Variants in PTBP2 observed in about 807,000 individuals in gnomAD.
PTBP2 encodes polypyrimidine tract-binding protein 2.
PTBP2 carries 13 observed loss-of-function variants against 61.4 expected under a neutral mutation model. The observed-to-expected ratio is 0.21, with a 90% confidence interval of 0.14 to 0.34. The LOEUF is 0.34. Ranked by LOEUF, PTBP2 falls within the 10% of genes least tolerant of loss-of-function variation. The probability of loss-of-function intolerance (pLI) is 1.00; values close to 1 mark genes in which losing one functional copy is unlikely to be tolerated. For missense variants in PTBP2, 405 were observed against 642.6 expected, an observed-to-expected ratio of 0.63 and a Z score of 4.00; for synonymous variants, 215 against 218.5, an observed-to-expected ratio of 0.98 and a Z score of 0.14.
chr1:96,791,165 T>G (rs1659750968), intron 8 of PTBP2, among the ~76,000 whole-genome samples: 2 of 151,540 alleles, frequency 1.3e-5, no homozygotes, highest in African/African-American at 2.4e-5. Context: ...AAAAAATCTT[T>G]TGTGAAATGT....
At chr1:96,789,969 A>C (rs1659608962) in intron 8 of PTBP2, among the ~76,000 whole-genome samples, 1 of 152,068 alleles carries the variant, frequency 6.6e-6, no homozygotes, top group Non-Finnish European at 1.5e-5. Flanking sequence ...AAATTTCCCC[A>C]ATTATTTTGA....
At chr1:96,759,153 C>T (rs963679594) in intron 3 of PTBP2, among the ~76,000 whole-genome samples, 5 of 152,106 alleles carry the variant, frequency 3.3e-5, no homozygotes, top group East Asian at 1.9e-4. Flanking sequence ...TACATGAAGA[C>T]GTAGACCATG....
chr1:96,760,670 C>G (rs1031018797), intron 3 of PTBP2, among the ~76,000 whole-genome samples: 8 of 152,070 alleles, frequency 5.3e-5, no homozygotes, highest in African/African-American at 1.9e-4. Flanking sequence ...TGGTCTTGCT[C>G]TCTTGACGTT....
chr1:96,773,355 C>T (rs1417621423), intron 5 of PTBP2, among the ~76,000 whole-genome samples: 1 of 152,016 alleles, frequency 6.6e-6, no homozygotes, highest in East Asian at 1.9e-4. Context: ...TCTTCTAAAG[C>T]CCTTCAGTCT....
chr1:96,769,682 CTG>C lies in PTBP2; in HGVS notation c.116-19_116-18del, dbSNP rs1347159392. The C allele has an allele frequency of 6.7e-7, 1 of 1,501,978 alleles. No individual in the cohort carries two copies. Among genetic ancestry groups the C allele is most frequent in the African/African-American group, 1.4e-5 (1 of 70,496 alleles). The allele number at this position is 1,501,978 out of a possible 1,614,324, so 93.0% of individuals were successfully genotyped here. A position where few individuals can be genotyped will look rare whatever the true frequency, so the allele number is the denominator to read the frequency against. On this transcript the variant is annotated intron_variant, in intron 3 of 13. Coordinates refer to ENST00000674951, the MANE Select transcript of PTBP2 (RefSeq NM_021190.4). Reference sequence around the variant, plus strand: ...TTCTTTTATTGTTGATATATAAGGACTGTTTTTTAATGTCTTTCAGCCAATGG... The same window carrying C: ...TTCTTTTATTGTTGATATATAAGGACTTTTTTAATGTCTTTCAGCCAATGG...
chr1:96,802,028 G>A (rs1005405922), intron 8 of PTBP2, among the ~76,000 whole-genome samples: 3 of 151,258 alleles, frequency 2.0e-5, no homozygotes, highest in African/African-American at 7.3e-5. Context: ...TGGCTAACAC[G>A]GTGAAACCCC....
chr1:96,799,420 C>T (rs1017778204), intron 8 of PTBP2, among the ~76,000 whole-genome samples: 1 of 151,320 alleles, frequency 6.6e-6, no homozygotes, highest in Non-Finnish European at 1.5e-5. Flanking sequence ...CTCAGCCTCC[C>T]GAGTAGCTGC....
At position 96,786,058 on chromosome 1, in the gene PTBP2, G is replaced by C. The variant is rs369897303; in HGVS notation, c.904+804G>C. Reference sequence around the variant, plus strand: ...ATTGGTAAGATTATCTTTAAGTCATGATTTTTATATATATGGAACTCAAAA... The same window carrying C: ...ATTGGTAAGATTATCTTTAAGTCATCATTTTTATATATATGGAACTCAAAA... On this transcript the variant is annotated intron_variant, in intron 8 of 13. Coordinates refer to ENST00000674951, the MANE Select transcript of PTBP2 (RefSeq NM_021190.4). 1.8e-4 allele frequency among the ~76,000 whole-genome samples: 27 copies of C among 152,172 alleles called. No individual in the cohort carries two copies. The South Asian group carries it at 5.2e-3, about 29-fold the overall frequency.
In PTBP2 at chr1:96,812,695, A is replaced by C; in HGVS notation, c.1172-17A>C. On this transcript the variant is annotated splice_polypyrimidine_tract_variant and intron_variant, in intron 11 of 13. Coordinates refer to ENST00000674951, the MANE Select transcript of PTBP2 (RefSeq NM_021190.4). ...GCTTTGATATTGTTTGTTAATAGAC[A>C]TGCTTTCTTTTTATAGCCATGAATC... 6.6e-7 allele frequency: 1 copy of C among 1,515,480 alleles called. No homozygotes were observed. Among genetic ancestry groups the C allele is most frequent in the Non-Finnish European group, 9.1e-7 (1 of 1,095,228 alleles). The allele number at this position is 1,515,480 out of a possible 1,614,324, so 93.9% of individuals were successfully genotyped here.
chr1:96,803,989 G>T lies in PTBP2; in HGVS notation c.905-811G>T, dbSNP rs76116766. On this transcript the variant is annotated intron_variant, in intron 8 of 13. Coordinates refer to ENST00000674951, the MANE Select transcript of PTBP2 (RefSeq NM_021190.4). Reference sequence around the variant, plus strand: ...GGTAATTGAAAAGTAGATGAACGGTGCTAACACAAAAGGGAATTCTGTCTA... The same window carrying T: ...GGTAATTGAAAAGTAGATGAACGGTTCTAACACAAAAGGGAATTCTGTCTA... Among the ~76,000 whole-genome samples, 125 of 152,254 alleles carry T rather than the reference G, an allele frequency of 8.2e-4. No individual in the cohort carries two copies. The East Asian group carries it at 0.012, about 14-fold the overall frequency.
chr1:96,790,179 T>G (rs1659634556), intron 8 of PTBP2, among the ~76,000 whole-genome samples: 1 of 152,186 alleles, frequency 6.6e-6, no homozygotes, highest in Non-Finnish European at 1.5e-5. Context: ...TGGCTGTTTC[T>G]TTAGAGTGTC....
At chr1:96,817,399 A>G (rs1662526864), downstream of PTBP2, 1 of 152,092 alleles carries the variant, frequency 6.6e-6, no homozygotes, top group South Asian at 2.1e-4. Flanking sequence ...AAACCGTAAT[A>G]TTCATTGATT....
chr1:96,775,803 TAAAGA>T (rs976582397), intron 5 of PTBP2, among the ~76,000 whole-genome samples: 10 of 152,096 alleles, frequency 6.6e-5, no homozygotes, highest in African/African-American at 2.2e-4. Flanking sequence ...AATGAAATCA[TAAAGA>T]AATGTATGAA....
chr1:96,792,865 TAAAATTAAACCAAAAA>T (rs574950994), intron 8 of PTBP2, among the ~76,000 whole-genome samples: 122 of 152,236 alleles, frequency 8.0e-4, no homozygotes, highest in African/African-American at 2.8e-3. Flanking sequence ...ATAATAGCCA[TAAAATTAAACCAAAAA>T]ACTCATCTAC....
downstream of PTBP2, chr1:96,818,624 A>G (rs1662568567): frequency 6.6e-6 from 1 of 152,092 alleles, no homozygotes; most frequent in Non-Finnish European, 1.5e-5. Context: ...ACATTTTGAC[A>G]AGATTGGCAG....
At chr1:96,748,172 C>A (rs1654088211) in intron 2 of PTBP2, among the ~76,000 whole-genome samples, 1 of 152,262 alleles carries the variant, frequency 6.6e-6, no homozygotes, top group African/African-American at 2.4e-5. Context: ...AGGCTGCCAT[C>A]TCCACAGGAG....
chr1:96,747,604 G>A (rs955574190), intron 2 of PTBP2, among the ~76,000 whole-genome samples: 3 of 151,916 alleles, frequency 2.0e-5, no homozygotes, highest in Admixed American at 6.6e-5. Context: ...TATATATATC[G>A]TAAGGCAAAG....
Position 96,812,746 on chromosome 1 carries a change from A to G in PTBP2, c.1206A>G (p.Gly402=). Residue 402 remains glycine, a synonymous_variant, in exon 12 of 14, where the codon GGA becomes GGG. Coordinates refer to ENST00000674951, the MANE Select transcript of PTBP2 (RefSeq NM_021190.4). ...MNHLNGQKMY[G]KIIRVTLSKH... ...ATCTTAATGGACAGAAAATGTATGG[A>G]AAAATTATTCGTGTTACTCTGTCTA... is the stretch of plus-strand genomic sequence containing the variant. The G allele has an allele frequency of 6.2e-7, 1 of 1,606,880 alleles. No homozygotes were observed. The highest frequency in any genetic ancestry group is 8.5e-7 in the Non-Finnish European group (1 of 1,173,728).
Position 96,770,617 on chromosome 1 carries a change from G to C in PTBP2, c.289-91G>C, listed in dbSNP as rs372457611. The C allele has an allele frequency of 6.4e-6, 7 of 1,101,118 alleles. No individual in the cohort carries two copies. In the South Asian group the frequency reaches 7.1e-5, roughly 11 times the overall value. The allele number at this position is 1,101,118 out of a possible 1,614,324, so 68.2% of individuals were successfully genotyped here. A position where few individuals can be genotyped will look rare whatever the true frequency, so the allele number is the denominator to read the frequency against. The stretch of plus-strand genomic sequence containing the variant: ...AAGTAACCTGAAGGATTATATTCTA[G>C]ATAATTGATTAAAATCATCTGAATA... On this transcript the variant is annotated intron_variant, in intron 4 of 13. Coordinates refer to ENST00000674951, the MANE Select transcript of PTBP2 (RefSeq NM_021190.4).
Sources: gnomAD v4.1 joint callset for allele counts (sites outside exome capture counted in the v4.1 genomes callset) on GRCh38, gnomAD v4.1.1 for gene constraint, MANE v1.5 for transcripts, NCBI Gene and HGNC (gene_info 2026-07-23, HGNC 2026-07-21) for gene names.